Variants in DCLK1 observed in about 807,000 individuals in gnomAD.
DCLK1 encodes the protein doublecortin like kinase 1.
A neutral mutation model predicts 86.2 loss-of-function variants in DCLK1; 16 were observed. The ratio of observed to expected loss-of-function variants is 0.19; its 90% confidence interval spans 0.13 to 0.28. The LOEUF (loss-of-function observed/expected upper bound fraction) is 0.28, where lower values mean the gene tolerates loss of function less well. DCLK1 is among the 10% of genes least tolerant of loss of function. The pLI is 1.00. For missense variants in DCLK1, 590 were observed against 940.2 expected, an observed-to-expected ratio of 0.63 and a Z score of 4.87; for synonymous variants, 369 against 370.5, an observed-to-expected ratio of 1.00 and a Z score of 0.05.
chr13:35,885,136 T>C (rs1003417678), intron 4 of DCLK1, among the ~76,000 whole-genome samples: 2 of 152,066 alleles, frequency 1.3e-5, no homozygotes, highest in African/African-American at 4.8e-5. Flanking sequence ...GGAACAGAGA[T>C]TGTCCACCAG....
chr13:35,814,492 G>C (rs928507391), intron 11 of DCLK1, among the ~76,000 whole-genome samples: 3 of 152,208 alleles, frequency 2.0e-5, no homozygotes, highest in Admixed American at 6.5e-5. Context: ...GAAAGGGCAT[G>C]AGCAGGCTGC....
chr13:35,878,220 A>G lies in DCLK1; in HGVS notation c.824-6880T>C, dbSNP rs370374421. Among the ~76,000 whole-genome samples the G allele has an allele frequency of 1.9e-4, 29 of 152,252 alleles. No individual in the cohort carries two copies. The East Asian group carries it at 5.2e-3, about 27-fold the overall frequency. On this transcript the variant is annotated intron_variant, in intron 4 of 16. Coordinates refer to ENST00000360631, the MANE Select transcript of DCLK1 (RefSeq NM_001330071.2). ...CATCCTGGTATAATGGACAACTAAA[A>G]TTTACTTTCTATAGAAATGTTATGA...
At chr13:36,127,758 A>C (rs941697585) in intron 1 of DCLK1, among the ~76,000 whole-genome samples, 4 of 152,170 alleles carry the variant, frequency 2.6e-5, no homozygotes, top group African/African-American at 9.6e-5. Flanking sequence ...TGAAAGGTAC[A>C]TCTGTACCCC....
chr13:36,033,147 T>C (rs1271144792), intron 3 of DCLK1, among the ~76,000 whole-genome samples: 1 of 152,192 alleles, frequency 6.6e-6, no homozygotes, highest in Non-Finnish European at 1.5e-5. Context: ...ATGAACCACT[T>C]AACGACATTT....
intron 3 of DCLK1, among the ~76,000 whole-genome samples, chr13:35,981,930 C>A (rs1458003044): frequency 6.6e-6 from 1 of 152,184 alleles, no homozygotes; most frequent in Non-Finnish European, 1.5e-5. Flanking sequence ...GTTCCAAATT[C>A]TCCACATCCT....
chr13:35,993,613 AT>A (rs547087960), intron 3 of DCLK1, among the ~76,000 whole-genome samples: 124 of 152,246 alleles, frequency 8.1e-4, no homozygotes, highest in African/African-American at 2.7e-3. Flanking sequence ...GGGGATGAGG[AT>A]GAAACCAGTA....
At position 35,774,605 on chromosome 13, in the gene DCLK1, A is replaced by T; in HGVS notation, c.2153T>A (p.Leu718His). Residue 718 changes from leucine (L) to histidine (H), a missense_variant, in exon 17 of 17, where the codon CTC becomes CAC. Physicochemically the swap from Leu to His is moderately conservative, Grantham distance 99 (BLOSUM62 -3). Around this residue, in one of 6 missense-constraint regions of DCLK1, gnomAD observed 146 missense variants for 190.2 expected, o/e 0.77. Coordinates refer to ENST00000360631, the MANE Select transcript of DCLK1 (RefSeq NM_001330071.2). ...RYKAQPAPPE[L>H]NSESEDYSPS... is the part of the protein sequence containing the mutation. ...GGAGTAGTCTTCCGATTCCGAGTTG[A>T]GTTCGGGAGGAGCTGGCTGCGCCTT... 6.3e-7 allele frequency: 1 copy of T among 1,594,082 alleles called. No individual in the cohort carries two copies. Among genetic ancestry groups the T allele is most frequent in the East Asian group, 2.3e-5 (1 of 43,888 alleles).
chr13:35,914,823 C>A (rs1381173072), intron 4 of DCLK1, among the ~76,000 whole-genome samples: 1 of 152,006 alleles, frequency 6.6e-6, no homozygotes, highest in African/African-American at 2.4e-5. Context: ...AGGCAAAGAT[C>A]ATAGCTTATT....
chr13:36,057,703 T>A (rs1192755880), intron 3 of DCLK1, among the ~76,000 whole-genome samples: 1 of 152,172 alleles, frequency 6.6e-6, no homozygotes, highest in African/African-American at 2.4e-5. Flanking sequence ...ATGGAATAGA[T>A]TAAAGCCATG....
chr13:35,975,117 T>A (rs968213996), intron 3 of DCLK1, among the ~76,000 whole-genome samples: 11 of 152,100 alleles, frequency 7.2e-5, no homozygotes, highest in African/African-American at 2.4e-4. Context: ...AAAGACTAGG[T>A]CAGGTCTTAC....
At chr13:36,119,177 G>C (rs766347780) in intron 2 of DCLK1, among the ~76,000 whole-genome samples, 1 of 152,196 alleles carries the variant, frequency 6.6e-6, no homozygotes, top group Non-Finnish European at 1.5e-5. Flanking sequence ...AACTAAGGAA[G>C]AGAAACAGTT....
chr13:35,917,623 T>C (rs936454420), intron 4 of DCLK1, among the ~76,000 whole-genome samples: 6 of 152,174 alleles, frequency 3.9e-5, no homozygotes, highest in Non-Finnish European at 5.9e-5. Flanking sequence ...CGGCATGTTA[T>C]AAATTAAACA....
chr13:36,019,598 A>G (rs1206153062), intron 3 of DCLK1, among the ~76,000 whole-genome samples: 1 of 152,150 alleles, frequency 6.6e-6, no homozygotes, highest in Admixed American at 6.5e-5. Context: ...TGTACCTGAG[A>G]ACACTTATCA....
At chr13:35,948,374 G>A (rs957765261) in intron 3 of DCLK1, among the ~76,000 whole-genome samples, 1 of 152,178 alleles carries the variant, frequency 6.6e-6, no homozygotes, top group African/African-American at 2.4e-5. Context: ...TGAAATAGAT[G>A]TTGTAATAGC....
At chr13:36,067,384 A>G (rs1268854699) in intron 3 of DCLK1, among the ~76,000 whole-genome samples, 2 of 137,858 alleles carry the variant, frequency 1.5e-5, no homozygotes, top group East Asian at 4.6e-4. Flanking sequence ...CAGGAAGGGG[A>G]ACATCACACC....
At chr13:35,821,130 C>T (rs567480207) in intron 11 of DCLK1, among the ~76,000 whole-genome samples, 25 of 152,214 alleles carry the variant, frequency 1.6e-4, no homozygotes, top group South Asian at 1.0e-3. Flanking sequence ...CTGTGACAAC[C>T]GTGGGCAGGT....
chr13:36,002,070 CA>C (rs1880746098), intron 3 of DCLK1, among the ~76,000 whole-genome samples: 2 of 152,058 alleles, frequency 1.3e-5, no homozygotes, highest in African/African-American at 4.8e-5. Context: ...CTCACAAGGC[CA>C]GGTAAAACAT....
chr13:36,069,560 C>T (rs1566668255), intron 3 of DCLK1, among the ~76,000 whole-genome samples: 1 of 152,126 alleles, frequency 6.6e-6, no homozygotes, highest in Non-Finnish European at 1.5e-5. Context: ...CTTCATCTCC[C>T]CTATATTCAT....
Position 35,774,320 on chromosome 13 carries a change from C to T in DCLK1, c.*215G>A, listed in dbSNP as rs370155230. ...CAAATTGGCCTTAACCCTTTGAGGACTCTATTAGCAGCAAATTACCATCTT... is the reference window on the plus strand; with the variant it reads ...CAAATTGGCCTTAACCCTTTGAGGATTCTATTAGCAGCAAATTACCATCTT... On this transcript the variant is annotated 3_prime_UTR_variant, in exon 17 of 17. Transcript: ENST00000360631. 1.6e-6 allele frequency: 1 copy of T among 631,814 alleles called. No homozygotes were observed. Among genetic ancestry groups the T allele is most frequent in the East Asian group, 3.0e-5 (1 of 33,706 alleles). 39.1% of individuals were successfully genotyped at this position (631,814 alleles called of 1,614,324 possible).
Sources: gnomAD v4.1 joint callset for allele counts (sites outside exome capture counted in the v4.1 genomes callset) on GRCh38, gnomAD v4.1.1 for gene constraint, gnomAD v4.1.1 regional missense constraint, MANE v1.5 for transcripts, NCBI Gene and HGNC (gene_info 2026-07-23, HGNC 2026-07-21) for gene names.